Variants in HMGCLL1 observed in about 807,000 individuals in gnomAD.
The protein encoded by HMGCLL1 is 3-hydroxy-3-methylglutaryl-CoA lyase like 1.
Under a neutral mutation model 39.1 loss-of-function variants are expected in HMGCLL1, and 36 were observed. The ratio of observed to expected loss-of-function variants is 0.92; its 90% CI spans 0.71 to 1.22. The LOEUF is 1.22. Ranked by LOEUF, HMGCLL1 falls within the 50% of genes most tolerant of loss-of-function variation. The pLI is 0.00. For synonymous variants in HMGCLL1, 149 were observed against 144.0 expected (o/e 1.03, Z -0.25); for missense variants, 451 against 416.5 (o/e 1.08, Z -0.72).
At chr6:55,583,948 CCT>C, upstream of HMGCLL1, among the ~76,000 whole-genome samples, 1 of 152,186 alleles carries the variant, frequency 6.6e-6, no homozygotes, top group African/African-American at 2.4e-5. Context: ...AACCAGGTGA[CCT>C]TTTTTTCATC....
chr6:55,583,422 A>G (rs1264989561), upstream of HMGCLL1, among the ~76,000 whole-genome samples: 1 of 148,810 alleles, frequency 6.7e-6, no homozygotes, highest in Non-Finnish European at 1.5e-5. Flanking sequence ...TTCAATTCCC[A>G]TCTATGAGTG....
the HMGCLL1 span, among the ~76,000 whole-genome samples, chr6:55,624,742 G>A: frequency 6.6e-6 from 1 of 152,090 alleles, no homozygotes; most frequent in African/African-American, 2.4e-5. Flanking sequence ...GGGGTCCAGT[G>A]GTGTGGGGCC....
chr6:55,465,018 C>A (rs2127399040), intron 7 of HMGCLL1, among the ~76,000 whole-genome samples: 1 of 152,222 alleles, frequency 6.6e-6, no homozygotes. Context: ...TTTAAGATAC[C>A]AAATTCATTC....
chr6:55,453,353 G>A (rs1764184767), intron 7 of HMGCLL1, among the ~76,000 whole-genome samples: 1 of 152,174 alleles, frequency 6.6e-6, no homozygotes, highest in Admixed American at 6.5e-5. Flanking sequence ...TAATTTTTTT[G>A]TATTTTTAGT....
chr6:55,630,038 C>A, the HMGCLL1 span, among the ~76,000 whole-genome samples: 15 of 152,126 alleles, frequency 9.9e-5, no homozygotes, highest in African/African-American at 3.4e-4. Context: ...GAGAAGAAGG[C>A]AACTGTCCCC....
At chr6:55,482,635 G>A (rs1765804131) in intron 7 of HMGCLL1, among the ~76,000 whole-genome samples, 1 of 152,010 alleles carries the variant, frequency 6.6e-6, no homozygotes, top group Non-Finnish European at 1.5e-5. Context: ...GGTTACTGAA[G>A]CAAATGTTTC....
intron 7 of HMGCLL1, among the ~76,000 whole-genome samples, chr6:55,443,931 A>G (rs1271766192): frequency 6.6e-6 from 1 of 152,166 alleles, no homozygotes; most frequent in Non-Finnish European, 1.5e-5. Context: ...GTCCTAAAAT[A>G]GACCACACTA....
chr6:55,580,738 C>G (rs1771970592), upstream of HMGCLL1, among the ~76,000 whole-genome samples: 1 of 152,042 alleles, frequency 6.6e-6, no homozygotes, highest in Non-Finnish European at 1.5e-5. Flanking sequence ...GGAGAACATT[C>G]CCTGAACTGC....
the HMGCLL1 span, among the ~76,000 whole-genome samples, chr6:55,669,156 C>T: frequency 6.6e-6 from 1 of 151,228 alleles, no homozygotes; most frequent in Admixed American, 6.6e-5. Flanking sequence ...TTCCTGGAGT[C>T]ACTGTCAACC....
the HMGCLL1 span, among the ~76,000 whole-genome samples, chr6:55,647,748 T>TC: frequency 7.9e-6 from 1 of 127,038 alleles, no homozygotes; most frequent in Non-Finnish European, 1.7e-5. Context: ...TTTTTTCCTT[T>TC]TTTTTTTTTT....
chr6:55,464,498 A>G (rs1202166771), intron 7 of HMGCLL1, among the ~76,000 whole-genome samples: 1 of 152,186 alleles, frequency 6.6e-6, no homozygotes, highest in Non-Finnish European at 1.5e-5. Context: ...TCTCCAAAAC[A>G]CAAGCAAATT....
At chr6:55,546,630 G>T (rs972198130) in intron 1 of HMGCLL1, among the ~76,000 whole-genome samples, 3 of 152,116 alleles carry the variant, frequency 2.0e-5, no homozygotes, top group Non-Finnish European at 4.4e-5. Context: ...AGGCAGGGAT[G>T]GGGAGGGACA....
the HMGCLL1 span, among the ~76,000 whole-genome samples, chr6:55,671,845 G>A: frequency 6.6e-6 from 1 of 151,698 alleles, no homozygotes; most frequent in South Asian, 2.1e-4. Context: ...ACAAAACATA[G>A]TGTAATGAAA....
the HMGCLL1 span, among the ~76,000 whole-genome samples, chr6:55,615,326 A>C: frequency 4.6e-5 from 7 of 152,150 alleles, no homozygotes; most frequent in Non-Finnish European, 1.0e-4. Flanking sequence ...GAAAGCGTAC[A>C]CATGAGGAAT....
intron 7 of HMGCLL1, among the ~76,000 whole-genome samples, chr6:55,492,805 C>T (rs1388014253): frequency 6.6e-6 from 1 of 152,096 alleles, no homozygotes; most frequent in Non-Finnish European, 1.5e-5. Flanking sequence ...GCTTTCCTAG[C>T]CCCCTTCCCT....
At chr6:55,626,443 A>G in the HMGCLL1 span, among the ~76,000 whole-genome samples, 1 of 152,082 alleles carries the variant, frequency 6.6e-6, no homozygotes. Flanking sequence ...GAACTGTGGA[A>G]TGGCTTTTTG....
At chr6:55,674,407 A>AG in the HMGCLL1 span, among the ~76,000 whole-genome samples, 1 of 151,842 alleles carries the variant, frequency 6.6e-6, no homozygotes, top group African/African-American at 2.4e-5. Flanking sequence ...AAAAAAAAAA[A>AG]GAAAAAAAAA....
intron 1 of HMGCLL1, among the ~76,000 whole-genome samples, chr6:55,571,359 A>T (rs1771481166): frequency 6.6e-6 from 1 of 152,210 alleles, no homozygotes; most frequent in South Asian, 2.1e-4. Flanking sequence ...AGATAACTGA[A>T]TTCATTCTTT....
intron 7 of HMGCLL1, among the ~76,000 whole-genome samples, chr6:55,449,429 C>A (rs1444131015): frequency 2.0e-5 from 3 of 152,212 alleles, no homozygotes; most frequent in Non-Finnish European, 4.4e-5. Flanking sequence ...TCAATGACCA[C>A]TTGGAGGAGA....
Sources: allele counts gnomAD v4.1 joint callset (sites outside exome capture counted in the v4.1 genomes callset), GRCh38; gene constraint gnomAD v4.1.1; transcripts MANE v1.5; gene names NCBI Gene and HGNC (gene_info 2026-07-23, HGNC 2026-07-21).